Variants in GMPR observed in about 807,000 individuals in gnomAD.
GMPR encodes the protein guanosine monophosphate reductase.
In GMPR, 31 loss-of-function variants were observed where a neutral mutation model predicts 38.4. The ratio of observed to expected loss-of-function variants is 0.81; its 90% CI spans 0.61 to 1.09. GMPR has a LOEUF of 1.09. GMPR is among the 50% of genes least tolerant of loss of function. The pLI is 0.00. For missense variants in GMPR, 468 were observed against 453.7 expected (o/e 1.03, Z -0.29); for synonymous variants, 162 against 173.3 (o/e 0.93, Z 0.51).
intron 4 of GMPR, among the ~76,000 whole-genome samples, chr6:16,269,114 C>G (rs1380788746): frequency 6.6e-6 from 1 of 151,678 alleles, no homozygotes; most frequent in Non-Finnish European, 1.5e-5. Flanking sequence ...GGTAAAGGAG[C>G]AATATACAGA....
chr6:16,259,433 G>C (rs1360401192), intron 4 of GMPR: 1 of 151,942 alleles, frequency 6.6e-6, no homozygotes, highest in Non-Finnish European at 1.5e-5. Context: ...TGACATTCCT[G>C]TCTTCTTATG....
In GMPR at chr6:16,295,387, G is replaced by T; in HGVS notation, c.*201G>T. ...GGGCCCAGACGCAAGGCACCGATTG[G>T]GCCAACATCAGAGCCCTGCTGCCCA... On this transcript the variant is annotated 3_prime_UTR_variant, in exon 9 of 9. Coordinates refer to ENST00000259727, the MANE Select transcript of GMPR (RefSeq NM_006877.4). 2.2e-6 allele frequency: 1 copy of T among 452,116 alleles called. No homozygotes were observed. Among genetic ancestry groups the T allele is most frequent in the South Asian group, 5.9e-5 (1 of 16,860 alleles). 28.0% of individuals were successfully genotyped at this position (452,116 alleles called of 1,614,324 possible). A position where few individuals can be genotyped will look rare whatever the true frequency, so the allele number is the denominator to read the frequency against.
rs116764589 is a variant in GMPR at position 16,265,808 on chromosome 6, G to A, written c.466-8607G>A. Among the ~76,000 whole-genome samples the A allele has an allele frequency of 5.0e-3, 764 of 152,326 alleles. 2 individuals carry two copies. Among genetic ancestry groups the A allele is most frequent in the African/African-American group, 0.017 (719 of 41,578 alleles). On this transcript the variant is annotated intron_variant, in intron 4 of 8. Transcript: ENST00000259727. ...GGAGCCAGCCCGGATAACCCACTCC[G>A]GAACCCTTCCACGCCATGGAGGTTT...
At chr6:16,282,099 AT>A (rs1759584312) in intron 6 of GMPR, among the ~76,000 whole-genome samples, 1 of 152,118 alleles carries the variant, frequency 6.6e-6, no homozygotes, top group East Asian at 1.9e-4. Context: ...CAGCTGTCCC[AT>A]TTTACCCTTT....
chr6:16,254,792 A>T (rs1758943542), intron 4 of GMPR, 57 bp downstream of exon 4: 1 of 1,297,146 alleles, frequency 7.7e-7, no homozygotes, highest in Non-Finnish European at 1.1e-6. Context: ...GCCACGAGGG[A>T]GTTGTTCAAT....
In GMPR at chr6:16,267,460, A is replaced by C. The variant is rs964558024; in HGVS notation, c.466-6955A>C. On this transcript the variant is annotated intron_variant, in intron 4 of 8. Coordinates refer to ENST00000259727, the MANE Select transcript of GMPR (RefSeq NM_006877.4). ...CACGAACCGTCCGGGAGGAATGAAC[A>C]ACTCCGGACGGTGCCACTTTTAAGA... Among the ~76,000 whole-genome samples the C allele has an allele frequency of 5.3e-5, 8 of 151,896 alleles. No homozygotes were observed. The East Asian group carries it at 1.6e-3, about 30-fold the overall frequency.
At chr6:16,266,319 G>A (rs1373705140) in intron 4 of GMPR, among the ~76,000 whole-genome samples, 1 of 149,580 alleles carries the variant, frequency 6.7e-6, no homozygotes, top group African/African-American at 2.5e-5. Flanking sequence ...CCACGAGGAG[G>A]AACGAACAAC....
intron 2 of GMPR, among the ~76,000 whole-genome samples, chr6:16,248,743 C>G (rs1203637032): frequency 6.6e-6 from 1 of 152,168 alleles, no homozygotes; most frequent in Non-Finnish European, 1.5e-5. Flanking sequence ...CCTTTCCCTG[C>G]TCTGCTCTGT....
chr6:16,285,723 C>A (rs1273603114), intron 6 of GMPR, 70 bp from the exon 7 acceptor site: 1 of 1,335,932 alleles, frequency 7.5e-7, no homozygotes, highest in Non-Finnish European at 1.1e-6. Context: ...ACTAGGTCAT[C>A]TGGGGGGAGG....
At chr6:16,241,499 C>G (rs559723887) in intron 1 of GMPR, among the ~76,000 whole-genome samples, 7 of 152,312 alleles carry the variant, frequency 4.6e-5, no homozygotes, top group Admixed American at 2.0e-4. Context: ...CCTGGATTCT[C>G]CAGGGAGGCA....
chr6:16,274,278 A>AT (rs1420463256), intron 4 of GMPR, 137 bp from the exon 5 acceptor site: 1 of 642,610 alleles, frequency 1.6e-6, no homozygotes. Flanking sequence ...CAGGTATGAA[A>AT]TTCTGTGTTC....
chr6:16,257,839 C>G (rs955688850), intron 4 of GMPR: 1 of 152,242 alleles, frequency 6.6e-6, no homozygotes, highest in African/African-American at 2.4e-5. Context: ...ACCCTTATGA[C>G]CTAATCACCT....
chr6:16,253,384 G>A (rs1478649491), intron 3 of GMPR, among the ~76,000 whole-genome samples: 1 of 152,208 alleles, frequency 6.6e-6, no homozygotes, highest in Non-Finnish European at 1.5e-5. Context: ...GGTTCTGCAG[G>A]CTGTACAGGA....
chr6:16,242,246 C>T (rs542065736), intron 1 of GMPR, among the ~76,000 whole-genome samples: 1 of 152,084 alleles, frequency 6.6e-6, no homozygotes, highest in South Asian at 2.1e-4. Context: ...CCGTCTGCTA[C>T]TGGTTGGCCT....
chr6:16,294,430 C>T (rs1461706274), intron 8 of GMPR, among the ~76,000 whole-genome samples: 1 of 152,178 alleles, frequency 6.6e-6, no homozygotes, highest in Non-Finnish European at 1.5e-5. Flanking sequence ...CTGCGCTATC[C>T]ATTTTATGTC....
rs537549899 is a variant in GMPR at position 16,287,883 on chromosome 6, G to C, written c.697+2048G>C. Among the ~76,000 whole-genome samples, 19 of 152,328 alleles carry C rather than the reference G, an allele frequency of 1.2e-4. 1 individual carries two copies. The South Asian group carries it at 3.9e-3, about 32-fold the overall frequency. On this transcript the variant is annotated intron_variant, in intron 7 of 8. Transcript: ENST00000259727. ...AACTGTAACGCCAATGAAAACCTCA[G>C]AGTGCTCTGCCAATGTTTAAATGAC...
chr6:16,254,541 T>C (rs771741272), intron 3 of GMPR, 21 bp from the exon 4 acceptor site: 1 of 1,609,254 alleles, frequency 6.2e-7, no homozygotes, highest in Non-Finnish European at 8.5e-7. Context: ...ATGCCTGTCT[T>C]CTTGGTTTAT....
chr6:16,289,537 C>G (rs1473318682), intron 7 of GMPR: 1 of 152,290 alleles, frequency 6.6e-6, no homozygotes, highest in African/African-American at 2.4e-5. Flanking sequence ...CCTCTGTCTC[C>G]TGTGCCTGTC....
intron 4 of GMPR, chr6:16,263,252 T>C (rs562490747): frequency 1.3e-5 from 2 of 151,906 alleles, no homozygotes; most frequent in Non-Finnish European, 2.9e-5. Flanking sequence ...ATTTGCCCAT[T>C]GTACGACAAG....
Sources: allele counts gnomAD v4.1 joint callset (sites outside exome capture counted in the v4.1 genomes callset), GRCh38; gene constraint gnomAD v4.1.1; transcripts MANE v1.5; gene names NCBI Gene and HGNC (gene_info 2026-07-23, HGNC 2026-07-21).